RAD51B: variants seen among roughly 807,000 people sequenced by gnomAD.
RAD51B encodes RAD51 paralog B.
RAD51B carries 38 observed loss-of-function variants against 42.2 expected under a neutral mutation model. The ratio of observed to expected loss-of-function variants is 0.90; its 90% confidence interval spans 0.70 to 1.18. The LOEUF (loss-of-function observed/expected upper bound fraction) is 1.18. RAD51B is among the 50% of genes most tolerant of loss of function. RAD51B has a pLI of 0.00. For synonymous variants in RAD51B, 154 were observed against 145.2 expected, an observed-to-expected ratio of 1.06 and a Z score of -0.43; for missense variants, 373 against 400.7, an observed-to-expected ratio of 0.93 and a Z score of 0.59.
intron 7 of RAD51B, among the ~76,000 whole-genome samples, chr14:68,094,756 G>T (rs1485475253): frequency 2.0e-5 from 3 of 152,192 alleles, no homozygotes; most frequent in African/African-American, 7.2e-5. Context: ...CCTCCTAATA[G>T]GTTAGTGATG....
At chr14:68,497,915 G>A in intron 10 of RAD51B, 1 of 191,318 alleles carries the variant, frequency 5.2e-6, no homozygotes, top group Non-Finnish European at 1.1e-5. Flanking sequence ...TCATCCGTCA[G>A]TGGTCATTTG....
At chr14:67,904,889 T>C (rs2043732171) in intron 7 of RAD51B, among the ~76,000 whole-genome samples, 1 of 151,978 alleles carries the variant, frequency 6.6e-6, no homozygotes, top group Non-Finnish European at 1.5e-5. Context: ...TATAGTTTCT[T>C]TTGTTGTAAC....
intron 2 of RAD51B, among the ~76,000 whole-genome samples, chr14:67,824,062 A>G (rs2040725930): frequency 6.6e-6 from 1 of 152,176 alleles, no homozygotes; most frequent in African/African-American, 2.4e-5. Context: ...TTAGCAGGGT[A>G]AATAAGATTT....
chr14:67,893,201 C>T (rs1485715549), intron 7 of RAD51B, among the ~76,000 whole-genome samples: 1 of 151,932 alleles, frequency 6.6e-6, no homozygotes, highest in African/African-American at 2.4e-5. Context: ...AATACATTGG[C>T]TTTGATAATT....
At chr14:68,471,171 G>A (rs1383148850) in intron 10 of RAD51B, among the ~76,000 whole-genome samples, 1 of 152,166 alleles carries the variant, frequency 6.6e-6, no homozygotes, top group Admixed American at 6.5e-5. Context: ...CAGGGACTTA[G>A]AGACAGACAG....
intron 7 of RAD51B, among the ~76,000 whole-genome samples, chr14:68,241,855 T>G (rs902279958): frequency 1.3e-5 from 2 of 152,152 alleles, no homozygotes; most frequent in African/African-American, 4.8e-5. Flanking sequence ...CTATCTCTTT[T>G]GAGCTGTGCA....
At chr14:68,557,776 G>T (rs1279423231) in intron 10 of RAD51B, among the ~76,000 whole-genome samples, 1 of 152,162 alleles carries the variant, frequency 6.6e-6, no homozygotes, top group African/African-American at 2.4e-5. Context: ...GGTCCTGATA[G>T]CTCTTGTTAT....
intron 7 of RAD51B, among the ~76,000 whole-genome samples, chr14:68,210,769 G>T (rs970660253): frequency 6.6e-6 from 1 of 152,104 alleles, no homozygotes; most frequent in Non-Finnish European, 1.5e-5. Context: ...AAGGAAATGC[G>T]CTTGTGATCA....
At chr14:68,500,438 A>G (rs756179989) in intron 10 of RAD51B, among the ~76,000 whole-genome samples, 50 of 152,382 alleles carry the variant, frequency 3.3e-4, no homozygotes, top group Admixed American at 5.9e-4. Context: ...ACAGTATTAC[A>G]GAAGGCTCAA....
rs1337185008 is a variant in RAD51B, at chr14:68,343,647, A to G, written c.853+51667A>G. Among the ~76,000 whole-genome samples, 3 of 152,382 alleles carry G rather than the reference A, an allele frequency of 2.0e-5. No homozygotes were observed. In the East Asian group the frequency reaches 5.8e-4, roughly 29 times the overall value. Reference sequence around the variant, plus strand: ...CTTGCTTAGAAAGATTAGCGTGACTAAAAGGGAGCCAAGTGCTAATTTCCA... The same window carrying G: ...CTTGCTTAGAAAGATTAGCGTGACTGAAAGGGAGCCAAGTGCTAATTTCCA... On this transcript the variant is annotated intron_variant, in intron 8 of 10. Coordinates refer to ENST00000471583, the MANE Select transcript of RAD51B (RefSeq NM_133510.4).
intron 7 of RAD51B, among the ~76,000 whole-genome samples, chr14:68,078,814 C>T (rs2076872518): frequency 1.3e-5 from 2 of 152,026 alleles, no homozygotes; most frequent in Non-Finnish European, 1.5e-5. Context: ...AAAGAGGGAG[C>T]CCCTGTCTCT....
intron 7 of RAD51B, among the ~76,000 whole-genome samples, chr14:68,229,163 T>C (rs540780118): frequency 6.6e-6 from 1 of 152,374 alleles, no homozygotes; most frequent in African/African-American, 2.4e-5. Context: ...AGTTCATTTG[T>C]AAACAAGCTT....
rs535108544 is a variant in RAD51B, at chr14:67,827,521, G to T, written c.198+1944G>T. Among the ~76,000 whole-genome samples, 4 of 152,022 alleles carry T rather than the reference G, an allele frequency of 2.6e-5. No homozygotes were observed. The East Asian group carries it at 7.7e-4, about 29-fold the overall frequency. The stretch of plus-strand genomic sequence containing the variant: ...CGGGGTACATGTGCAGGATGTGCAG[G>T]TTTGTTACATAGGTAAATGTGTGCC... On this transcript the variant is annotated intron_variant, in intron 3 of 10. Transcript: ENST00000471583.
At chr14:68,494,819 A>G (rs1429230466) in intron 10 of RAD51B, among the ~76,000 whole-genome samples, 3 of 152,042 alleles carry the variant, frequency 2.0e-5, no homozygotes, top group Non-Finnish European at 4.4e-5. Context: ...TACTAGATGT[A>G]GGTTCCCAAG....
intron 9 of RAD51B, among the ~76,000 whole-genome samples, chr14:68,457,290 A>G (rs2085720904): frequency 6.6e-6 from 1 of 152,146 alleles, no homozygotes; most frequent in Admixed American, 6.5e-5. Flanking sequence ...AAACACACAC[A>G]GACACACCCC....
At chr14:68,653,365 C>G (rs1892741192) in intron 11 of RAD51B, among the ~76,000 whole-genome samples, 1 of 152,152 alleles carries the variant, frequency 6.6e-6, no homozygotes, top group African/African-American at 2.4e-5. Context: ...CATAGCAAGA[C>G]CCTGTCTTTC....
At chr14:68,137,742 C>G (rs903359027) in intron 7 of RAD51B, among the ~76,000 whole-genome samples, 8 of 152,234 alleles carry the variant, frequency 5.3e-5, no homozygotes, top group Admixed American at 1.3e-4. Context: ...AGAAGGTGAA[C>G]AAGAGCAGTC....
At chr14:68,326,183 G>T (rs553524301) in intron 8 of RAD51B, among the ~76,000 whole-genome samples, 45 of 151,610 alleles carry the variant, frequency 3.0e-4, no homozygotes, top group African/African-American at 9.9e-4. Flanking sequence ...TGGTATTACA[G>T]GCATGCACCA....
intron 8 of RAD51B, among the ~76,000 whole-genome samples, chr14:68,355,840 G>C (rs565046830): frequency 6.6e-6 from 1 of 152,148 alleles, no homozygotes; most frequent in Non-Finnish European, 1.5e-5. Context: ...ACAACTCTAT[G>C]TCCATAAATA....
Sources: allele counts gnomAD v4.1 joint callset (sites outside exome capture counted in the v4.1 genomes callset), GRCh38; gene constraint gnomAD v4.1.1; transcripts MANE v1.5; gene names NCBI Gene and HGNC (gene_info 2026-07-23, HGNC 2026-07-21).